SASH1: variants seen among roughly 807,000 people sequenced by gnomAD.
SASH1 encodes the protein SAM and SH3 domain containing 1.
Under a neutral mutation model 125.2 loss-of-function variants are expected in SASH1, and 44 were observed. That is an observed-to-expected ratio of 0.35 (90% CI 0.28 to 0.45). SASH1 has a LOEUF of 0.45. Ranked by LOEUF, SASH1 falls within the 20% of genes least tolerant of loss-of-function variation. The pLI is 1.00. For missense variants in SASH1, 1,426 were observed against 1,614.5 expected, an observed-to-expected ratio of 0.88 and a Z score of 2.00; for synonymous variants, 639 against 649.1, an observed-to-expected ratio of 0.98 and a Z score of 0.24.
At chr6:148,434,063 A>ATT (rs758854072) in intron 2 of SASH1, among the ~76,000 whole-genome samples, 7 of 69,422 alleles carry the variant, frequency 1.0e-4, no homozygotes, top group Middle Eastern at 9.4e-3. Context: ...GGAACTGGAG[A>ATT]TTTTTTTTTT....
upstream of SASH1, among the ~76,000 whole-genome samples, chr6:148,340,344 G>A (rs9485280): frequency 0.057 from 8,677 of 151,926 alleles, 512 homozygotes; most frequent in African/African-American, 0.15. Context: ...TTAGCCAGGC[G>A]TGGTGGTGCA....
intron 8 of SASH1, among the ~76,000 whole-genome samples, chr6:148,498,606 T>C (rs1253877745): frequency 1.3e-5 from 2 of 152,214 alleles, no homozygotes; most frequent in African/African-American, 2.4e-5. Flanking sequence ...TTTTGACCTA[T>C]AAAAGTGGTG....
chr6:148,431,474 A>G (rs1776058579), intron 2 of SASH1, among the ~76,000 whole-genome samples: 1 of 152,194 alleles, frequency 6.6e-6, no homozygotes, highest in South Asian at 2.1e-4. Flanking sequence ...GCTGGATTAT[A>G]GGTATAAGCC....
At chr6:148,308,841 T>C (rs1381506693) in intron 1 of SASH1, among the ~76,000 whole-genome samples, 1 of 150,534 alleles carries the variant, frequency 6.6e-6, no homozygotes, top group Non-Finnish European at 1.5e-5. Context: ...CCCAGCACTT[T>C]GGGAGGCCGA....
At chr6:148,368,854 A>G (rs1782595270) in intron 1 of SASH1, among the ~76,000 whole-genome samples, 1 of 151,784 alleles carries the variant, frequency 6.6e-6, no homozygotes, top group South Asian at 2.1e-4. Flanking sequence ...TGAATCCACA[A>G]ATATCAGGAA....
At chr6:148,502,154 C>T (rs62432333) in intron 8 of SASH1, among the ~76,000 whole-genome samples, 35,830 of 152,156 alleles carry the variant, frequency 0.24, 4,940 homozygotes, top group Middle Eastern at 0.36. Context: ...AATCTGGCAA[C>T]AACTAGTTAA....
In SASH1 at chr6:148,544,554, C is replaced by T. The variant is rs140316955; in HGVS notation, c.3084C>T (p.Ser1028=). 2 of 1,613,186 alleles carry T rather than the reference C, an allele frequency of 1.2e-6. No individual in the cohort carries two copies. Among genetic ancestry groups the T allele is most frequent in the Non-Finnish European group, 1.7e-6 (2 of 1,179,932 alleles). Residue 1028 remains serine, a synonymous_variant, in exon 18 of 20, where the codon AGC becomes AGT. Transcript: ENST00000367467. This position sits in a 1 kb window ranked among gnomAD's most constrained non-coding sequence, Gnocchi z 6.4. The part of the protein sequence containing the change: ...CLPVKRGSPA[S]PTSPSDCPPA... ...CAGTGAAAAGGGGCAGCCCCGCCAG[C>T]CCCACCAGCCCTAGCGACTGTCCCC... is the stretch of plus-strand genomic sequence containing the variant.
the SASH1 span, among the ~76,000 whole-genome samples, chr6:148,247,319 C>T: frequency 1.3e-5 from 2 of 152,156 alleles, no homozygotes; most frequent in African/African-American, 4.8e-5. Context: ...AATAAGAAGG[C>T]TTCTTGGTAA....
At chr6:148,303,789 A>G (rs1261527110) in intron 1 of SASH1, among the ~76,000 whole-genome samples, 1 of 129,594 alleles carries the variant, frequency 7.7e-6, no homozygotes, top group Non-Finnish European at 1.7e-5. Context: ...AACAAAATAA[A>G]TAAATAAATA....
chr6:148,390,787 C>CAA (rs778836199), intron 2 of SASH1, among the ~76,000 whole-genome samples: 6 of 127,640 alleles, frequency 4.7e-5, no homozygotes, highest in African/African-American at 8.7e-5. Context: ...GACTCCGTCT[C>CAA]AAAAAAAAAA....
chr6:148,376,126 AC>A (rs941482592), intron 1 of SASH1, among the ~76,000 whole-genome samples: 2 of 152,122 alleles, frequency 1.3e-5, no homozygotes, highest in Non-Finnish European at 2.9e-5. Context: ...GTGCAGTGGT[AC>A]AATCTCCAAC....
the SASH1 span, among the ~76,000 whole-genome samples, chr6:148,232,803 A>C: frequency 6.6e-6 from 1 of 152,228 alleles, no homozygotes; most frequent in Non-Finnish European, 1.5e-5. Context: ...GTCAGTGCCC[A>C]CGAGAAACTA....
At position 148,540,550 on chromosome 6, in the gene SASH1, G is replaced by A. The variant is rs1267364026; in HGVS notation, c.2203G>A (p.Glu735Lys). 2 of 1,612,794 alleles carry A rather than the reference G, an allele frequency of 1.2e-6. No homozygotes were observed. The highest frequency in any genetic ancestry group is 2.7e-5 in the African/African-American group (2 of 74,864). Residue 735 changes from glutamate (E) to lysine (K), a missense_variant, in exon 17 of 20, where the codon GAA becomes AAA. Transcript: ENST00000367467. The part of the protein sequence containing the change: ...SGCYESSENL[E>K]NGKTRKASLL... ...ATGCTACGAAAGCAGTGAGAACCTG[G>A]AAAACGGTAATGTCAGCATGAGTCG...
upstream of SASH1, among the ~76,000 whole-genome samples, chr6:148,338,351 C>G (rs1487364392): frequency 6.7e-6 from 1 of 149,634 alleles, no homozygotes; most frequent in African/African-American, 2.5e-5. Flanking sequence ...CACTTGAACC[C>G]AGGAGACAGA....
At chr6:148,313,952 T>C (rs926980392) in intron 1 of SASH1, among the ~76,000 whole-genome samples, 1 of 152,218 alleles carries the variant, frequency 6.6e-6, no homozygotes, top group African/African-American at 2.4e-5. Flanking sequence ...ACCTTGTTCC[T>C]CTGAAAATCA....
the SASH1 span, among the ~76,000 whole-genome samples, chr6:148,239,403 C>A: frequency 2.0e-4 from 31 of 152,316 alleles, no homozygotes; most frequent in South Asian, 6.0e-3. Flanking sequence ...CTCCTAGCAC[C>A]GTGCTCTCCC....
At chr6:148,466,719 C>G (rs1230015048) in intron 4 of SASH1, among the ~76,000 whole-genome samples, 1 of 151,934 alleles carries the variant, frequency 6.6e-6, no homozygotes, top group Non-Finnish European at 1.5e-5. Flanking sequence ...AGATGCATGT[C>G]ACCATACCCA....
chr6:148,486,936 AATATATATATATATATATATATATATAT>A (rs68036618), intron 7 of SASH1, among the ~76,000 whole-genome samples: 1,391 of 62,016 alleles, frequency 0.022, 92 homozygotes, highest in African/African-American at 0.062. Flanking sequence ...AACAACAACA[AATATATATATATATATATATATATATAT>A]ATATATATAT....
chr6:148,298,269 T>C (rs1303448037), intron 1 of SASH1, among the ~76,000 whole-genome samples: 2 of 152,042 alleles, frequency 1.3e-5, no homozygotes, highest in Admixed American at 6.6e-5. Context: ...CACCACGGCC[T>C]CCCAAAGTTC....
Sources: allele counts gnomAD v4.1 joint callset (sites outside exome capture counted in the v4.1 genomes callset), GRCh38; gene constraint gnomAD v4.1.1; non-coding constraint Gnocchi (gnomAD v3.1); transcripts MANE v1.5; gene names NCBI Gene and HGNC (gene_info 2026-07-23, HGNC 2026-07-21).